Variants in PLEKHA8 observed in about 807,000 individuals in gnomAD.
PLEKHA8 encodes pleckstrin homology domain-containing family A member 8.
PLEKHA8 carries 36 observed loss-of-function variants against 68.2 expected under a neutral mutation model. That is an observed-to-expected ratio of 0.53 (90% confidence interval 0.40 to 0.70). The LOEUF is 0.70. Ranked by LOEUF, PLEKHA8 falls within the 30% of genes least tolerant of loss-of-function variation. PLEKHA8 has a pLI of 0.00. For synonymous variants in PLEKHA8, 211 were observed against 216.1 expected (o/e 0.98, Z 0.20); for missense variants, 505 against 615.4 (o/e 0.82, Z 1.90).
intron 1 of PLEKHA8, among the ~76,000 whole-genome samples, chr7:30,032,479 C>G (rs968684651): frequency 1.3e-5 from 2 of 152,122 alleles, no homozygotes; most frequent in Non-Finnish European, 2.9e-5. Flanking sequence ...AAAACAGTTG[C>G]CTTTATTATG....
intron 13 of PLEKHA8, among the ~76,000 whole-genome samples, chr7:30,122,635 C>T (rs1284808540): frequency 6.6e-6 from 1 of 152,210 alleles, no homozygotes; most frequent in Non-Finnish European, 1.5e-5. Context: ...ACTCTGCTCT[C>T]CTGTCCATGA....
At chr7:30,060,738 G>C (rs928173492) in intron 9 of PLEKHA8, 146 bp from the exon 10 acceptor site, 1 of 642,470 alleles carries the variant, frequency 1.6e-6, no homozygotes, top group African/African-American at 1.8e-5. Context: ...TATCCTGGGA[G>C]CTTTTGAAGA....
At chr7:30,094,860 A>G (rs898802326), downstream of PLEKHA8, among the ~76,000 whole-genome samples, 1 of 151,856 alleles carries the variant, frequency 6.6e-6, no homozygotes, top group African/African-American at 2.4e-5. Context: ...TGAATTCATC[A>G]TTTTTTATGG....
chr7:30,115,949 C>T lies in PLEKHA8; in HGVS notation c.1363-13317C>T, dbSNP rs535728379. On this transcript the variant is annotated intron_variant, in intron 13 of 13. Coordinates refer to the PLEKHA8 transcript ENST00000396257. Reference sequence around the variant, plus strand: ...ACATACATGTATACATGCACACATACGCATACATGCATGCATACATGTGCA... The same window carrying T: ...ACATACATGTATACATGCACACATATGCATACATGCATGCATACATGTGCA... 24 of 124,312 alleles carry T rather than the reference C, an allele frequency of 1.9e-4. 5 individuals carry two copies. The highest frequency in any genetic ancestry group is 8.8e-4 in the East Asian group (4 of 4,548). 7.7% of individuals were successfully genotyped at this position (124,312 alleles called of 1,614,324 possible).
At chr7:30,109,282 A>G (rs1170593503) in intron 13 of PLEKHA8, among the ~76,000 whole-genome samples, 1 of 152,196 alleles carries the variant, frequency 6.6e-6, no homozygotes, top group East Asian at 1.9e-4. Context: ...TCATATGACT[A>G]TGTGCATTTG....
At chr7:30,078,294 G>A (rs975386187) in intron 13 of PLEKHA8, among the ~76,000 whole-genome samples, 3 of 152,180 alleles carry the variant, frequency 2.0e-5, no homozygotes, top group African/African-American at 7.2e-5. Flanking sequence ...CTGTGGATCA[G>A]AAGGGAGCTT....
At chr7:30,118,120 TG>T in intron 13 of PLEKHA8, 5 of 1,145,714 alleles carry the variant, frequency 4.4e-6, no homozygotes, top group East Asian at 3.0e-5. Flanking sequence ...CTGGACTAAA[TG>T]CCTCTCCTGG....
At position 30,084,470 on chromosome 7, in the gene PLEKHA8, T is replaced by A. The variant is rs1795094199; in HGVS notation, c.*5683T>A. ...TAGAATATAATATGTTGGAGCCTCT[T>A]GGGACCAACCGATGAGCGACAGTTT... On this transcript the variant is annotated 3_prime_UTR_variant, in exon 14 of 14. Transcript: ENST00000449726. The A allele has an allele frequency of 7.1e-6, 7 of 985,268 alleles. No homozygotes were observed. Among genetic ancestry groups the A allele is most frequent in the Non-Finnish European group, 8.4e-6 (7 of 829,794 alleles). 61.0% of individuals were successfully genotyped at this position (985,268 alleles called of 1,614,324 possible).
At chr7:30,090,142 CT>C in intron 12 of PLEKHA8, 1 of 1,549,884 alleles carries the variant, frequency 6.5e-7, no homozygotes, top group Admixed American at 2.0e-5. Flanking sequence ...AAAGAGTGCA[CT>C]ATGTTGTAGG....
chr7:30,080,535 T>A lies in PLEKHA8; in HGVS notation c.*1748T>A. On this transcript the variant is annotated 3_prime_UTR_variant, in exon 14 of 14. Coordinates refer to ENST00000449726, the MANE Select transcript of PLEKHA8 (RefSeq NM_001197026.2). ...TTTATGTAGGGAGGGGTATTGGTTT[T>A]GCCTTTGTGTGTCTTTAAACAAATG... The A allele has an allele frequency of 1.0e-6, 1 of 985,426 alleles. No homozygotes were observed. Among genetic ancestry groups the A allele is most frequent in the Non-Finnish European group, 1.2e-6 (1 of 829,920 alleles). The allele number at this position is 985,426 out of a possible 1,614,324, so 61.0% of individuals were successfully genotyped here.
intron 13 of PLEKHA8, among the ~76,000 whole-genome samples, chr7:30,100,279 G>A (rs184002623): frequency 1.8e-3 from 281 of 152,224 alleles, no homozygotes; most frequent in East Asian, 5.6e-3. Context: ...GACTAGGCAC[G>A]GTGGCTCACA....
Position 30,028,717 on chromosome 7 carries a change from G to T in PLEKHA8, c.-46G>T, listed in dbSNP as rs771543545. ...GTGCTCCTCGCCTCTTGGGGCCTGG[G>T]GCAGTGAGGGGGCCGGCGGGCGTGG... On this transcript the variant is annotated 5_prime_UTR_variant, in exon 1 of 14. Transcript: ENST00000449726. 8.1e-7 allele frequency: 1 copy of T among 1,227,634 alleles called. No individual in the cohort carries two copies. The highest frequency in any genetic ancestry group is 3.2e-5 in the East Asian group (1 of 31,676). 76.0% of individuals were successfully genotyped at this position (1,227,634 alleles called of 1,614,324 possible).
In PLEKHA8 at chr7:30,080,871, T is replaced by C; in HGVS notation, c.*2084T>C. On this transcript the variant is annotated 3_prime_UTR_variant, in exon 14 of 14. Coordinates refer to ENST00000449726, the MANE Select transcript of PLEKHA8 (RefSeq NM_001197026.2). ...AAAAAGCCAGTTTTTGCTTGTACTT[T>C]GAATGAAGATGTTTTAGGCATTGTA... 14 of 985,352 alleles carry C rather than the reference T, an allele frequency of 1.4e-5. No individual in the cohort carries two copies. The highest frequency in any genetic ancestry group is 1.7e-5 in the Non-Finnish European group (14 of 829,908). The allele number at this position is 985,352 out of a possible 1,614,324, so 61.0% of individuals were successfully genotyped here. A position where few individuals can be genotyped will look rare whatever the true frequency, so the allele number is the denominator to read the frequency against.
rs1794325632 is a variant in PLEKHA8 at position 30,072,712 on chromosome 7, TA to T, written c.1301-1357del. Among the ~76,000 whole-genome samples the T allele has an allele frequency of 5.9e-5, 9 of 152,378 alleles. No homozygotes were observed. In the South Asian group the frequency reaches 1.9e-3, roughly 32 times the overall value. Reference sequence around the variant, plus strand: ...TTTTTGTAGGCTTAGAATGTCACACTAAGCATTCATGAAATGGTGGTAGTAC... The same window carrying T: ...TTTTTGTAGGCTTAGAATGTCACACTAGCATTCATGAAATGGTGGTAGTAC... On this transcript the variant is annotated intron_variant, in intron 12 of 13. Transcript: ENST00000449726.
At chr7:30,036,471 A>G (rs1791108685) in intron 1 of PLEKHA8, among the ~76,000 whole-genome samples, 1 of 152,014 alleles carries the variant, frequency 6.6e-6, no homozygotes, top group East Asian at 1.9e-4. Flanking sequence ...TAGATTAGAT[A>G]GAGAAATAAT....
Position 30,115,824 on chromosome 7 carries a change from G to GTGCACATACATGCATACATA in PLEKHA8, c.1363-13442_1363-13441insTGCACATACATGCATACATA, listed in dbSNP as rs1562557978. ...TGTATACACGCATGCATGTATACAT[G>GTGCACATACATGCATACATA]CGTGCACATACATGTATACACGTAT... On this transcript the variant is annotated intron_variant, in intron 13 of 13. Transcript: ENST00000396257. The GTGCACATACATGCATACATA allele has an allele frequency of 9.4e-5, 10 of 106,898 alleles. 2 individuals are homozygous for GTGCACATACATGCATACATA. Among genetic ancestry groups the GTGCACATACATGCATACATA allele is most frequent in the African/African-American group, 3.9e-4 (10 of 25,456 alleles). 6.6% of individuals were successfully genotyped at this position (106,898 alleles called of 1,614,324 possible).
chr7:30,129,314 T>G, exon 14 of PLEKHA8: 1 of 1,612,692 alleles, frequency 6.2e-7, no homozygotes, highest in Non-Finnish European at 8.5e-7. Context: ...TCATGGACCA[T>G]GAGGCAACTC....
intron 2 of PLEKHA8, 132 bp from the exon 3 acceptor site, chr7:30,046,078 T>C (rs1791932126): frequency 1.3e-6 from 1 of 776,518 alleles, no homozygotes; most frequent in Non-Finnish European, 2.0e-6. Context: ...TTAGGAGAGG[T>C]AATGACTGGC....
downstream of PLEKHA8, chr7:30,084,709 T>A: frequency 1.2e-6 from 1 of 845,600 alleles, no homozygotes; most frequent in Admixed American, 6.2e-5. Context: ...CAATAAAAAG[T>A]CTCGTTTATG....
Sources: gnomAD v4.1 joint callset for allele counts (sites outside exome capture counted in the v4.1 genomes callset) on GRCh38, gnomAD v4.1.1 for gene constraint, MANE v1.5 for transcripts, NCBI Gene and HGNC (gene_info 2026-07-23, HGNC 2026-07-21) for gene names.